FAM135A: variants seen among roughly 807,000 people sequenced by gnomAD.
FAM135A encodes the protein family with sequence similarity 135 member A.
Under a neutral mutation model 146.8 loss-of-function variants are expected in FAM135A, and 79 were observed. The observed-to-expected ratio is 0.54, with a 90% confidence interval of 0.45 to 0.65. FAM135A has a LOEUF of 0.65. FAM135A is among the 30% of genes least tolerant of loss of function. The probability of loss-of-function intolerance (pLI) is 0.00; values close to 1 mark genes in which losing one functional copy is unlikely to be tolerated. For synonymous variants in FAM135A, 562 were observed against 603.6 expected (o/e 0.93, Z 1.01); for missense variants, 1,623 against 1,758.2 (o/e 0.92, Z 1.38).
intron 16 of FAM135A, among the ~76,000 whole-genome samples, chr6:70,532,524 G>A (rs1392082660): frequency 6.6e-6 from 1 of 152,152 alleles, no homozygotes; most frequent in African/African-American, 2.4e-5. Flanking sequence ...GAATGGTGAT[G>A]GTAAGACACC....
At chr6:70,537,881 T>C (rs770010670) in intron 19 of FAM135A, among the ~76,000 whole-genome samples, 25 of 152,238 alleles carry the variant, frequency 1.6e-4, no homozygotes, top group Non-Finnish European at 3.2e-4. Context: ...TAGTCTATTA[T>C]GTCATAACTA....
At chr6:70,473,087 G>A (rs1233914591) in intron 5 of FAM135A, among the ~76,000 whole-genome samples, 1 of 152,116 alleles carries the variant, frequency 6.6e-6, no homozygotes, top group Admixed American at 6.6e-5. Flanking sequence ...TTTACTCAAT[G>A]GATGTTAATC....
At chr6:70,482,622 C>A (rs967512029) in intron 10 of FAM135A, among the ~76,000 whole-genome samples, 20 of 151,998 alleles carry the variant, frequency 1.3e-4, no homozygotes, top group Non-Finnish European at 2.4e-4. Context: ...AATAACATTA[C>A]TTAGTATTTT....
intron 4 of FAM135A, among the ~76,000 whole-genome samples, chr6:70,433,365 C>T (rs541446226): frequency 4.3e-4 from 65 of 152,224 alleles, no homozygotes; most frequent in African/African-American, 1.3e-3. Context: ...TGAGCCACCG[C>T]GCCCGGCCTT....
At chr6:70,490,534 CTATT>C (rs1403151305) in intron 10 of FAM135A, among the ~76,000 whole-genome samples, 1 of 151,946 alleles carries the variant, frequency 6.6e-6, no homozygotes, top group African/African-American at 2.4e-5. Context: ...TAGGAACTAA[CTATT>C]AAAGGATCTT....
At chr6:70,463,160 T>C (rs2128105192) in intron 5 of FAM135A, among the ~76,000 whole-genome samples, 1 of 152,350 alleles carries the variant, frequency 6.6e-6, no homozygotes, top group Non-Finnish European at 1.5e-5. Flanking sequence ...ATTTTGTGCA[T>C]GCTCTCCTCT....
intron 12 of FAM135A, among the ~76,000 whole-genome samples, chr6:70,506,054 A>AT (rs1235801315): frequency 1.3e-5 from 2 of 152,110 alleles, no homozygotes; most frequent in Non-Finnish European, 2.9e-5. Context: ...AATGGAATAT[A>AT]TTTTTTTCCG....
At chr6:70,558,727 A>C (rs1801381490) in intron 21 of FAM135A, among the ~76,000 whole-genome samples, 1 of 152,138 alleles carries the variant, frequency 6.6e-6, no homozygotes, top group Non-Finnish European at 1.5e-5. Flanking sequence ...GTTAAGATGG[A>C]AGGATTGCTT....
At chr6:70,413,963 G>T (rs112809632) in intron 1 of FAM135A, 158,236 of 985,518 alleles carry the variant, frequency 0.16, 12,987 homozygotes, top group Non-Finnish European at 0.17. Context: ...GGCCGCCCCT[G>T]CCCCTGCGCG....
chr6:70,473,680 T>C (rs571223440), intron 5 of FAM135A, among the ~76,000 whole-genome samples: 16 of 152,268 alleles, frequency 1.1e-4, no homozygotes, highest in African/African-American at 3.1e-4. Flanking sequence ...CTTCACCTTA[T>C]GCAAGGTCAC....
chr6:70,497,772 A>G (rs2128236968), intron 11 of FAM135A, among the ~76,000 whole-genome samples: 1 of 150,444 alleles, frequency 6.6e-6, no homozygotes, highest in South Asian at 2.1e-4. Flanking sequence ...CTTATGGATT[A>G]CATTTATTGA....
intron 20 of FAM135A, 169 bp from the exon 21 acceptor site, chr6:70,556,581 T>TG: frequency 1.9e-6 from 1 of 521,892 alleles, no homozygotes; most frequent in South Asian, 3.2e-5. Flanking sequence ...AGGTGGGTTT[T>TG]TTTGTAGAGA....
intron 4 of FAM135A, among the ~76,000 whole-genome samples, chr6:70,450,640 C>T (rs962188148): frequency 6.9e-6 from 1 of 144,188 alleles, no homozygotes; most frequent in Non-Finnish European, 1.5e-5. Context: ...TGTTTTTATG[C>T]CAGTACCATG....
In FAM135A at chr6:70,491,115, GT is replaced by G. The variant is rs1264897231; in HGVS notation, c.873+34del. On this transcript the variant is annotated intron_variant, in intron 11 of 21. Coordinates refer to ENST00000418814, the MANE Select transcript of FAM135A (RefSeq NM_001162529.3). ...GGATTTTTTAAATTCACATCATCAA[GT>G]TATTTGAGTGGTTTCTGTTTCCTAT... is the stretch of plus-strand genomic sequence containing the variant. 4.6e-6 allele frequency: 7 copies of G among 1,517,348 alleles called. No individual in the cohort carries two copies. In the Admixed American group the frequency reaches 7.1e-5, roughly 15 times the overall value. The allele number at this position is 1,517,348 out of a possible 1,614,324, so 94.0% of individuals were successfully genotyped here. A position where few individuals can be genotyped will look rare whatever the true frequency, so the allele number is the denominator to read the frequency against.
intron 20 of FAM135A, among the ~76,000 whole-genome samples, chr6:70,538,841 TTATATTATATTA>T (rs1419783525): frequency 6.8e-6 from 1 of 146,658 alleles, no homozygotes; most frequent in African/African-American, 2.5e-5. Context: ...TTATATTATA[TTATATTATATTA>T]TATTATATGG....
rs1459643629 is a variant in FAM135A, at chr6:70,547,077, T to G, written c.4228+8676T>G. On this transcript the variant is annotated intron_variant, in intron 20 of 21. Coordinates refer to ENST00000418814, the MANE Select transcript of FAM135A (RefSeq NM_001162529.3). The stretch of plus-strand genomic sequence containing the variant: ...TTGGAATTTCAAAAACAATATATCC[T>G]TATTTTAAGATCTTCCTAAAAATAC... Among the ~76,000 whole-genome samples the G allele has an allele frequency of 2.0e-5, 3 of 152,194 alleles. 1 individual carries two copies. The highest frequency in any genetic ancestry group is 4.4e-5 in the Non-Finnish European group (3 of 68,032).
chr6:70,456,491 G>A (rs779279949), intron 5 of FAM135A, among the ~76,000 whole-genome samples: 3 of 152,086 alleles, frequency 2.0e-5, no homozygotes, highest in Non-Finnish European at 4.4e-5. Flanking sequence ...ACTGTGCTTG[G>A]TTATTACAAA....
intron 5 of FAM135A, among the ~76,000 whole-genome samples, chr6:70,471,200 A>C (rs1781554239): frequency 6.6e-6 from 1 of 152,248 alleles, no homozygotes; most frequent in Non-Finnish European, 1.5e-5. Flanking sequence ...GTTGGGATTT[A>C]TCCAGGTCAA....
chr6:70,528,206 C>T (rs577006719), intron 15 of FAM135A, 86 bp from the exon 16 acceptor site: 2 of 1,310,566 alleles, frequency 1.5e-6, no homozygotes, highest in Non-Finnish European at 1.0e-6. Context: ...TGTTGGGTTT[C>T]CACTTCTACA....
Sources: gnomAD v4.1 joint callset for allele counts (sites outside exome capture counted in the v4.1 genomes callset) on GRCh38, gnomAD v4.1.1 for gene constraint, MANE v1.5 for transcripts, NCBI Gene and HGNC (gene_info 2026-07-23, HGNC 2026-07-21) for gene names.